Variants in SERPINB10 observed in about 807,000 individuals in gnomAD.
SERPINB10 encodes serpin family B member 10.
In SERPINB10, 35 loss-of-function variants were observed where a neutral mutation model predicts 39.1. The observed-to-expected ratio is 0.90, with a 90% confidence interval of 0.68 to 1.19. The LOEUF is 1.19. Ranked by LOEUF, SERPINB10 falls within the 50% of genes most tolerant of loss-of-function variation. The pLI, the probability that SERPINB10 is intolerant of heterozygous loss-of-function variation, is 0.00. For missense variants in SERPINB10, 546 were observed against 460.5 expected, an observed-to-expected ratio of 1.19 and a Z score of -1.70; for synonymous variants, 190 against 158.1, an observed-to-expected ratio of 1.20 and a Z score of -1.52.
intron 2 of SERPINB10, among the ~76,000 whole-genome samples, chr18:63,916,039 A>G (rs2050099807): frequency 1.3e-5 from 2 of 152,030 alleles, no homozygotes; most frequent in Non-Finnish European, 2.9e-5. Context: ...TTATAATCAC[A>G]TAAGGATTTT....
chr18:63,934,982 A>T lies in SERPINB10; in HGVS notation c.934A>T (p.Ser312Cys). 6.2e-7 allele frequency: 1 copy of T among 1,614,252 alleles called. No homozygotes were observed. The highest frequency in any genetic ancestry group is 2.2e-5 in the East Asian group (1 of 44,888). ...GTCAACCCTGAGCAGTATGGGGATG[A>T]GTGATGCCTTCAGCCAAAGCAAAGC... ...LKSTLSSMGM[S>C]DAFSQSKADF... is the part of the protein sequence containing the mutation. Residue 312 changes from serine (S) to cysteine (C), a missense_variant, in exon 8 of 8, where the codon AGT becomes TGT. By Grantham distance (112) the Ser-to-Cys change is moderately radical. Transcript: ENST00000238508.
chr18:63,920,889 A>AAGTAGT (rs1300332724), intron 5 of SERPINB10, among the ~76,000 whole-genome samples: 3 of 151,950 alleles, frequency 2.0e-5, no homozygotes, highest in African/African-American at 4.8e-5. Context: ...TTCTAAAAGG[A>AAGTAGT]AGTAGTAGAA....
intron 2 of SERPINB10, 138 bp from the exon 3 acceptor site, chr18:63,917,318 T>G: frequency 2.2e-6 from 1 of 457,056 alleles, no homozygotes; most frequent in East Asian, 3.6e-5. Context: ...ACACATTAAG[T>G]CAAGTCAGAG....
chr18:63,933,026 T>A, intron 6 of SERPINB10, 22 bp from the exon 7 acceptor site: 1 of 1,596,400 alleles, frequency 6.3e-7, no homozygotes, highest in Non-Finnish European at 8.5e-7. Flanking sequence ...TACCTGTTTT[T>A]TTGTTTTTTT....
chr18:63,917,072 T>G (rs1054694215), intron 2 of SERPINB10, among the ~76,000 whole-genome samples: 1 of 152,000 alleles, frequency 6.6e-6, no homozygotes, highest in Non-Finnish European at 1.5e-5. Context: ...ATTCCTTAAT[T>G]TTCCACATAA....
At chr18:63,915,102 T>C (rs754270883) in intron 1 of SERPINB10, among the ~76,000 whole-genome samples, 1 of 152,092 alleles carries the variant, frequency 6.6e-6, no homozygotes, top group Non-Finnish European at 1.5e-5. Flanking sequence ...TAGGTGCTGT[T>C]GGGTGCACGA....
Position 63,923,580 on chromosome 18 carries a change from G to A in SERPINB10, c.490+3675G>A, listed in dbSNP as rs529812832. ...TTTCTTTCTTTTTTGGTGTTCTGAGGTTTCAACATTATGTTCTAGGCAGGG... is the reference window on the plus strand; with the variant it reads ...TTTCTTTCTTTTTTGGTGTTCTGAGATTTCAACATTATGTTCTAGGCAGGG... On this transcript the variant is annotated intron_variant, in intron 5 of 7. Transcript: ENST00000238508. 1.8e-4 allele frequency among the ~76,000 whole-genome samples: 28 copies of A among 151,884 alleles called. No individual in the cohort carries two copies. The South Asian group carries it at 5.6e-3, about 30-fold the overall frequency.
intron 5 of SERPINB10, among the ~76,000 whole-genome samples, chr18:63,928,062 C>T (rs993705410): frequency 6.6e-6 from 1 of 151,512 alleles, no homozygotes; most frequent in African/African-American, 2.4e-5. Flanking sequence ...CAATTTCAAT[C>T]ATGTTTAATT....
At chr18:63,913,969 TAAGTC>T (rs1214841310) in intron 1 of SERPINB10, among the ~76,000 whole-genome samples, 1 of 166 alleles carries the variant, frequency 6.0e-3, no homozygotes, top group Admixed American at 0.1. Context: ...TTAGTATAGT[TAAGTC>T]AGTTAAGTCT....
intron 6 of SERPINB10, among the ~76,000 whole-genome samples, chr18:63,932,291 C>T (rs991555492): frequency 2.0e-5 from 3 of 152,186 alleles, no homozygotes; most frequent in African/African-American, 7.2e-5. Flanking sequence ...ATTGCTGCAT[C>T]GTATGGTAAG....
Position 63,917,474 on chromosome 18 carries a change from G to A in SERPINB10, c.187G>A (p.Asp63Asn). The A allele has an allele frequency of 6.3e-7, 1 of 1,579,398 alleles. No homozygotes were observed. The highest frequency in any genetic ancestry group is 1.2e-5 in the South Asian group (1 of 86,076). The change falls in exon 3 of 8, where the codon GAC becomes AAC. Residue 63 changes from aspartate (D) to asparagine (N), a missense_variant. Physicochemically the swap from Asp to Asn is conservative, Grantham distance 23. Coordinates refer to ENST00000238508, the MANE Select transcript of SERPINB10 (RefSeq NM_005024.3). ...ATTACAGGTGCTTCAATTTAACAGA[G>A]ACCAGGGAGTCAAATGTGACCCTGA... ...QMAQVLQFNR[D>N]QGVKCDPESE...
At chr18:63,929,460 G>C (rs2050203834) in intron 5 of SERPINB10, among the ~76,000 whole-genome samples, 1 of 151,892 alleles carries the variant, frequency 6.6e-6, no homozygotes, top group Non-Finnish European at 1.5e-5. Context: ...ATGATGAATA[G>C]AGTATATTAA....
intron 5 of SERPINB10, among the ~76,000 whole-genome samples, chr18:63,926,164 G>C (rs1168541248): frequency 3.3e-5 from 5 of 152,042 alleles, no homozygotes; most frequent in Admixed American, 1.3e-4. Context: ...GAAGAAACTT[G>C]CATGAGCTTC....
At chr18:63,933,275 G>A in intron 7 of SERPINB10, 72 bp downstream of exon 7, 4 of 1,524,966 alleles carry the variant, frequency 2.6e-6, no homozygotes, top group Non-Finnish European at 1.8e-6. Context: ...CTTGGCCAAG[G>A]TTTCTCCCAA....
intron 6 of SERPINB10, among the ~76,000 whole-genome samples, chr18:63,931,547 T>G (rs2050222183): frequency 6.6e-6 from 1 of 152,172 alleles, no homozygotes; most frequent in Admixed American, 6.5e-5. Flanking sequence ...ACATCTAAGT[T>G]GCAGGGGTGT....
chr18:63,914,769 G>A (rs1460881645), intron 1 of SERPINB10, among the ~76,000 whole-genome samples: 5 of 151,948 alleles, frequency 3.3e-5, no homozygotes, highest in Non-Finnish European at 7.4e-5. Context: ...TCATTTTCAG[G>A]CCAGGTACAT....
intron 3 of SERPINB10, 74 bp downstream of exon 3, chr18:63,917,595 C>T (rs373292601): frequency 2.4e-6 from 2 of 835,820 alleles, no homozygotes. Context: ...TTAGTGATAA[C>T]TGAAGCAACT....
At chr18:63,920,747 G>T (rs896095308) in intron 5 of SERPINB10, among the ~76,000 whole-genome samples, 20 of 151,996 alleles carry the variant, frequency 1.3e-4, no homozygotes, top group African/African-American at 4.3e-4. Flanking sequence ...GGATCAAAAA[G>T]CCCCTAATTC....
rs944528730 is a variant in SERPINB10, at chr18:63,915,608, G to A, written c.98G>A (p.Trp33Ter). 6.2e-7 allele frequency: 1 copy of A among 1,612,672 alleles called. No homozygotes were observed. Among genetic ancestry groups the A allele is most frequent in the Non-Finnish European group, 8.5e-7 (1 of 1,179,166 alleles). Residue 33 changes from tryptophan (W) to a stop codon, truncating the protein, a stop_gained, in exon 2 of 8, where the codon TGG becomes TAG. Coordinates refer to ENST00000238508, the MANE Select transcript of SERPINB10 (RefSeq NM_005024.3). LOFTEE classifies it high-confidence loss of function. Reference sequence around the variant, plus strand: ...GGTAAAAATATCTTCTTTTCTTCCTGGAGCATCTCAACTTCCTTGACCATA... The same window carrying A: ...GGTAAAAATATCTTCTTTTCTTCCTAGAGCATCTCAACTTCCTTGACCATA... Reference protein sequence around the residue: ...AQGKNIFFSSWSISTSLTIVY... With the variant: ...AQGKNIFFSS
Sources: gnomAD v4.1 joint callset for allele counts (sites outside exome capture counted in the v4.1 genomes callset) on GRCh38, gnomAD v4.1.1 for gene constraint, MANE v1.5 for transcripts, NCBI Gene and HGNC (gene_info 2026-07-23, HGNC 2026-07-21) for gene names.